ZNF490: variants seen among roughly 807,000 people sequenced by gnomAD.
ZNF490 encodes the protein zinc finger protein 490.
ZNF490 carries 11 observed loss-of-function variants against 17.7 expected under a neutral mutation model. The observed-to-expected ratio is 0.62, with a 90% CI of 0.39 to 1.03. The LOEUF (loss-of-function observed/expected upper bound fraction) is 1.03, where lower values mean the gene tolerates loss of function less well. ZNF490 is among the 50% of genes least tolerant of loss of function. ZNF490 has a pLI of 0.00. For synonymous variants in ZNF490, 222 were observed against 216.1 expected, an observed-to-expected ratio of 1.03 and a Z score of -0.24; for missense variants, 542 against 643.4, an observed-to-expected ratio of 0.84 and a Z score of 1.71.
At chr19:12,609,927 C>T (rs774895758) in intron 1 of ZNF490, 1 of 455,352 alleles carries the variant, frequency 2.2e-6, no homozygotes, top group Admixed American at 2.4e-5. Context: ...CAGACTTCGC[C>T]ACTATGAAAT....
At position 12,584,928 on chromosome 19, in the gene ZNF490, T is replaced by C. The variant is rs2022795856; in HGVS notation, c.163-1372A>G. On this transcript the variant is annotated intron_variant, in intron 2 of 4. Transcript: ENST00000311437. ...CTCATTTCATGGGTCTAGGAGGTTATTGGAAAGAAAGCACAGCAACTTGGA... is the reference window on the plus strand; with the variant it reads ...CTCATTTCATGGGTCTAGGAGGTTACTGGAAAGAAAGCACAGCAACTTGGA... 2.1e-5 allele frequency among the ~76,000 whole-genome samples: 2 copies of C among 94,218 alleles called. 1 individual carries two copies. The highest frequency in any genetic ancestry group is 5.7e-5 in the Non-Finnish European group (2 of 35,058). 61.8% of individuals were successfully genotyped at this position (94,218 alleles called of 152,430 possible).
At chr19:12,605,397 C>G (rs1397801987) in intron 2 of ZNF490, among the ~76,000 whole-genome samples, 2 of 151,260 alleles carry the variant, frequency 1.3e-5, no homozygotes, top group Admixed American at 1.3e-4. Flanking sequence ...GGGAGGATCG[C>G]TTGATCCCAA....
intron 2 of ZNF490, 137 bp from the exon 3 acceptor site, chr19:12,583,693 G>T: frequency 1.4e-6 from 1 of 724,642 alleles, no homozygotes. Flanking sequence ...CAGAACTCTT[G>T]ACTCTTTCCA....
At position 12,610,808 on chromosome 19, in the gene ZNF490, C is replaced by A. The variant is rs1362687881; in HGVS notation, c.-128G>T. On this transcript the variant is annotated 5_prime_UTR_variant, in exon 1 of 5. Coordinates refer to ENST00000311437, the MANE Select transcript of ZNF490 (RefSeq NM_020714.3). ...TCCGTCCCACCGGCGGAAGCGAGAT[C>A]TGCCTAGCTACTAGACCTGCTGCCT... 3 of 987,246 alleles carry A rather than the reference C, an allele frequency of 3.0e-6. No homozygotes were observed. Among genetic ancestry groups the A allele is most frequent in the South Asian group, 1.4e-5 (1 of 71,426 alleles). The allele number at this position is 987,246 out of a possible 1,614,324, so 61.2% of individuals were successfully genotyped here.
At chr19:12,593,049 G>A (rs1360694908) in intron 2 of ZNF490, among the ~76,000 whole-genome samples, 2 of 152,302 alleles carry the variant, frequency 1.3e-5, no homozygotes, top group Non-Finnish European at 1.5e-5. Flanking sequence ...AGGATGCCTT[G>A]TTCAAAAGCC....
intron 2 of ZNF490, among the ~76,000 whole-genome samples, chr19:12,598,216 CTG>C (rs2022958530): frequency 6.9e-6 from 1 of 144,914 alleles, no homozygotes; most frequent in Non-Finnish European, 1.5e-5. Flanking sequence ...GAGCGAGACT[CTG>C]TCTCAAAAAA....
chr19:12,600,321 G>A (rs2022987073), intron 2 of ZNF490, among the ~76,000 whole-genome samples: 1 of 151,826 alleles, frequency 6.6e-6, no homozygotes, highest in Non-Finnish European at 1.5e-5. Context: ...GAGCCGAGAT[G>A]TGCCACTGCA....
chr19:12,596,022 C>CA (rs1490313809), intron 2 of ZNF490, among the ~76,000 whole-genome samples: 1 of 151,644 alleles, frequency 6.6e-6, no homozygotes, highest in Non-Finnish European at 1.5e-5. Flanking sequence ...CCCAGCACTT[C>CA]AGAAGGCTGA....
intron 2 of ZNF490, among the ~76,000 whole-genome samples, chr19:12,600,621 T>G (rs2022991538): frequency 6.6e-6 from 1 of 152,152 alleles, no homozygotes; most frequent in Non-Finnish European, 1.5e-5. Context: ...AATTATTGTG[T>G]GCCACAGAGT....
chr19:12,593,014 C>G (rs568524017), intron 2 of ZNF490, among the ~76,000 whole-genome samples: 2 of 152,270 alleles, frequency 1.3e-5, no homozygotes, highest in East Asian at 3.9e-4. Flanking sequence ...GAGCCAGAGA[C>G]TGGTAAAGGC....
intron 2 of ZNF490, among the ~76,000 whole-genome samples, chr19:12,589,906 G>GTATGTATT (rs56154465): frequency 6.9e-6 from 1 of 144,708 alleles, no homozygotes; most frequent in Non-Finnish European, 1.5e-5. Context: ...ATGTATGTAT[G>GTATGTATT]TATGTATTTA....
rs917991529 is a variant in ZNF490, at chr19:12,578,477, A to G, written c.*2008T>C. The G allele has an allele frequency of 4.5e-5, 44 of 985,306 alleles. No individual in the cohort carries two copies. The highest frequency in any genetic ancestry group is 5.3e-5 in the Non-Finnish European group (44 of 829,968). 61.0% of individuals were successfully genotyped at this position (985,306 alleles called of 1,614,324 possible). The stretch of plus-strand genomic sequence containing the variant: ...AGCCACCTGCGGTTGCCACAGAGAA[A>G]TTCAGATGTGAATGTTTAAACAAGT... On this transcript the variant is annotated 3_prime_UTR_variant, in exon 5 of 5. Transcript: ENST00000311437.
At position 12,590,128 on chromosome 19, in the gene ZNF490, G is replaced by T. The variant is rs965115996; in HGVS notation, c.163-6572C>A. Among the ~76,000 whole-genome samples the T allele has an allele frequency of 1.5e-3, 223 of 151,898 alleles. 1 individual carries two copies. Among genetic ancestry groups the T allele is most frequent in the African/African-American group, 5.3e-3 (220 of 41,414 alleles). On this transcript the variant is annotated intron_variant, in intron 2 of 4. Transcript: ENST00000311437. The stretch of plus-strand genomic sequence containing the variant: ...GACGGGGTTTCACCATATTGACCAG[G>T]CTGGTCTGGAACTCCTGACCTTGTG...
rs1372482389 is a variant in ZNF490 at position 12,584,423 on chromosome 19, T to C, written c.163-867A>G. Among the ~76,000 whole-genome samples, 11 of 94,544 alleles carry C rather than the reference T, an allele frequency of 1.2e-4. 4 individuals carry two copies. The highest frequency in any genetic ancestry group is 3.5e-4 in the African/African-American group (11 of 31,540). The allele number at this position is 94,544 out of a possible 152,430, so 62.0% of individuals were successfully genotyped here. A position where few individuals can be genotyped will look rare whatever the true frequency, so the allele number is the denominator to read the frequency against. ...CGCCCCCCTCGGCCTCCCAAAGTGC[T>C]GGGATTACAGGCGTGAGCCACCGCG... On this transcript the variant is annotated intron_variant, in intron 2 of 4. Transcript: ENST00000311437.
At chr19:12,599,742 A>C (rs370867633) in intron 2 of ZNF490, among the ~76,000 whole-genome samples, 1 of 152,004 alleles carries the variant, frequency 6.6e-6, no homozygotes, top group Non-Finnish European at 1.5e-5. Context: ...GATTATAAGA[A>C]GGCATGGGAA....
intron 2 of ZNF490, among the ~76,000 whole-genome samples, chr19:12,598,436 G>C (rs1312970071): frequency 6.7e-6 from 1 of 150,340 alleles, no homozygotes; most frequent in Non-Finnish European, 1.5e-5. Context: ...GTGCAGTGGC[G>C]TGATCTCCGC....
intron 2 of ZNF490, among the ~76,000 whole-genome samples, chr19:12,600,350 A>G (rs1447802750): frequency 6.6e-6 from 1 of 151,976 alleles, no homozygotes; most frequent in Non-Finnish European, 1.5e-5. Flanking sequence ...TGAGCGAAAG[A>G]GCGAGACTCT....
chr19:12,579,064 T>G lies in ZNF490; in HGVS notation c.*1421A>C. ...GTCAGGAGATCAAGACTATCCTGGC[T>G]AACACGGTGAAACCCCGTCTCCACT... On this transcript the variant is annotated 3_prime_UTR_variant, in exon 5 of 5. Coordinates refer to ENST00000311437, the MANE Select transcript of ZNF490 (RefSeq NM_020714.3). 1 of 423,662 alleles carries G rather than the reference T, an allele frequency of 2.4e-6. No individual in the cohort carries two copies. The highest frequency in any genetic ancestry group is 3.2e-6 in the Non-Finnish European group (1 of 316,918). The allele number at this position is 423,662 out of a possible 1,614,324, so 26.2% of individuals were successfully genotyped here. A position where few individuals can be genotyped will look rare whatever the true frequency, so the allele number is the denominator to read the frequency against.
In ZNF490 at chr19:12,578,300, CAG is replaced by C. The variant is rs2022672860; in HGVS notation, c.*2183_*2184del. 4.1e-6 allele frequency: 4 copies of C among 985,604 alleles called. No individual in the cohort carries two copies. The highest frequency in any genetic ancestry group is 4.8e-6 in the Non-Finnish European group (4 of 830,054). 61.1% of individuals were successfully genotyped at this position (985,604 alleles called of 1,614,324 possible). On this transcript the variant is annotated 3_prime_UTR_variant, in exon 5 of 5. Coordinates refer to ENST00000311437, the MANE Select transcript of ZNF490 (RefSeq NM_020714.3). ...TGAGTGTCCTACAGCTAAGACATGG[CAG>C]AGTGTGTCTGTGACTCCACTAGCAG...
Sources: gnomAD v4.1 joint callset for allele counts (sites outside exome capture counted in the v4.1 genomes callset) on GRCh38, gnomAD v4.1.1 for gene constraint, MANE v1.5 for transcripts, NCBI Gene and HGNC (gene_info 2026-07-23, HGNC 2026-07-21) for gene names.